CPPED1: variants seen among roughly 807,000 people sequenced by gnomAD.
The protein encoded by CPPED1 is calcineurin like phosphoesterase domain containing 1.
A neutral mutation model predicts 28.0 loss-of-function variants in CPPED1; 28 were observed. That is an observed-to-expected ratio of 1.00 (90% CI 0.74 to 1.37). CPPED1 has a LOEUF of 1.37. Ranked by LOEUF, CPPED1 falls within the 40% of genes most tolerant of loss-of-function variation. CPPED1 has a pLI of 0.00. For missense variants in CPPED1, 504 were observed against 416.5 expected (o/e 1.21, Z -1.83); for synonymous variants, 198 against 180.2 (o/e 1.10, Z -0.79).
chr16:12,695,421 T>C (rs2079984746), intron 3 of CPPED1, among the ~76,000 whole-genome samples: 2 of 138,614 alleles, frequency 1.4e-5, no homozygotes, highest in African/African-American at 6.5e-5. Flanking sequence ...CATACTATTA[T>C]GCCTGGTTAG....
chr16:12,696,125 A>G (rs185864594), intron 3 of CPPED1, among the ~76,000 whole-genome samples: 6 of 151,800 alleles, frequency 4.0e-5, no homozygotes, highest in Non-Finnish European at 2.9e-5. Flanking sequence ...AGCCAAGAGA[A>G]TTTTGTCTAG....
intron 3 of CPPED1, among the ~76,000 whole-genome samples, chr16:12,702,788 A>C (rs915015645): frequency 6.6e-6 from 1 of 151,924 alleles, no homozygotes; most frequent in African/African-American, 2.4e-5. Context: ...ACCTGACGTC[A>C]GAAGTTTCGA....
At chr16:12,741,620 C>T (rs1373420149) in intron 2 of CPPED1, among the ~76,000 whole-genome samples, 1 of 152,160 alleles carries the variant, frequency 6.6e-6, no homozygotes, top group Non-Finnish European at 1.5e-5. Flanking sequence ...CCTTTATGGA[C>T]AAATGAGACA....
At chr16:12,666,148 A>G (rs2079824737) in intron 3 of CPPED1, among the ~76,000 whole-genome samples, 1 of 151,696 alleles carries the variant, frequency 6.6e-6, no homozygotes, top group Admixed American at 6.6e-5. Flanking sequence ...TGTTTATGGC[A>G]TTCTAATTAA....
chr16:12,717,808 A>T (rs1225671018), intron 2 of CPPED1, among the ~76,000 whole-genome samples: 1 of 151,812 alleles, frequency 6.6e-6, no homozygotes, highest in East Asian at 1.9e-4. Flanking sequence ...TGCCCAGCTA[A>T]TTTTTGTACT....
intron 2 of CPPED1, among the ~76,000 whole-genome samples, chr16:12,762,431 T>G (rs750647308): frequency 2.6e-5 from 4 of 152,210 alleles, no homozygotes; most frequent in Non-Finnish European, 5.9e-5. Context: ...TAATCAACAA[T>G]CTGCTTCTAA....
chr16:12,672,611 G>A (rs2079858120), intron 3 of CPPED1, among the ~76,000 whole-genome samples: 1 of 152,178 alleles, frequency 6.6e-6, no homozygotes, highest in African/African-American at 2.4e-5. Context: ...ACCTCAGAGG[G>A]TATGTGTGCA....
At chr16:12,772,514 G>A (rs2080475720) in intron 2 of CPPED1, among the ~76,000 whole-genome samples, 1 of 152,030 alleles carries the variant, frequency 6.6e-6, no homozygotes, top group Non-Finnish European at 1.5e-5. Flanking sequence ...TATCACTTTT[G>A]TGCATGCTCC....
chr16:12,743,718 A>G (rs956213930), intron 2 of CPPED1, among the ~76,000 whole-genome samples: 2 of 152,266 alleles, frequency 1.3e-5, no homozygotes, highest in Admixed American at 1.3e-4. Flanking sequence ...TACGAAAGAC[A>G]CTCGGCTGAG....
Position 12,752,440 on chromosome 16 carries a change from C to T in CPPED1, c.289+28745G>A, listed in dbSNP as rs929770061. 5.3e-5 allele frequency among the ~76,000 whole-genome samples: 8 copies of T among 151,956 alleles called. No individual in the cohort carries two copies. In the South Asian group the frequency reaches 6.2e-4, roughly 12 times the overall value. On this transcript the variant is annotated intron_variant, in intron 2 of 3. Transcript: ENST00000381774. ...ACAGCCCTCACTTAATTCTCTCTAA[C>T]GGCCTTCTGTTCAACCACAGTTGCC...
At chr16:12,761,417 G>C (rs2080409485) in intron 2 of CPPED1, among the ~76,000 whole-genome samples, 1 of 152,170 alleles carries the variant, frequency 6.6e-6, no homozygotes, top group Non-Finnish European at 1.5e-5. Flanking sequence ...TGACCTGACA[G>C]TTTGGTCATC....
chr16:12,722,036 GA>G (rs1272891766), intron 2 of CPPED1, among the ~76,000 whole-genome samples: 1 of 152,120 alleles, frequency 6.6e-6, no homozygotes, highest in Non-Finnish European at 1.5e-5. Flanking sequence ...AAACAGACAA[GA>G]AAAGATGCTG....
chr16:12,746,669 G>GA (rs1361825813), intron 2 of CPPED1, among the ~76,000 whole-genome samples: 7 of 151,470 alleles, frequency 4.6e-5, no homozygotes, highest in South Asian at 2.1e-4. Context: ...CTTTGTAAAA[G>GA]AAAAAAAATC....
chr16:12,687,741 G>A (rs564992257), intron 3 of CPPED1, among the ~76,000 whole-genome samples: 38 of 152,096 alleles, frequency 2.5e-4, no homozygotes, highest in African/African-American at 8.9e-4. Flanking sequence ...GAGGCACCAG[G>A]TCACAATACT....
intron 3 of CPPED1, among the ~76,000 whole-genome samples, chr16:12,687,880 T>G (rs1165913264): frequency 2.0e-5 from 3 of 152,156 alleles, no homozygotes; most frequent in Non-Finnish European, 4.4e-5. Flanking sequence ...TGAGTGATTT[T>G]ATGAAGACAG....
intron 2 of CPPED1, among the ~76,000 whole-genome samples, chr16:12,767,685 G>A (rs1025280316): frequency 1.3e-5 from 2 of 152,168 alleles, no homozygotes; most frequent in African/African-American, 2.4e-5. Flanking sequence ...CTACTGGGGT[G>A]CAGTGGCTCA....
At chr16:12,720,155 A>C (rs1390902522) in intron 2 of CPPED1, among the ~76,000 whole-genome samples, 1 of 152,124 alleles carries the variant, frequency 6.6e-6, no homozygotes, top group Non-Finnish European at 1.5e-5. Context: ...CCCGAGAGAG[A>C]TACGCTCTTG....
chr16:12,699,624 G>T (rs371632072), intron 3 of CPPED1, among the ~76,000 whole-genome samples: 1 of 152,092 alleles, frequency 6.6e-6, no homozygotes, highest in African/African-American at 2.4e-5. Flanking sequence ...TTACCTCCAC[G>T]GTGGTTTGGG....
At chr16:12,752,354 A>G (rs1470063662) in intron 2 of CPPED1, among the ~76,000 whole-genome samples, 1 of 152,036 alleles carries the variant, frequency 6.6e-6, no homozygotes, top group African/African-American at 2.4e-5. Flanking sequence ...ATGCTTGATA[A>G]GAAACTCTTA....
Sources: allele counts gnomAD v4.1 joint callset (sites outside exome capture counted in the v4.1 genomes callset), GRCh38; gene constraint gnomAD v4.1.1; transcripts MANE v1.5; gene names NCBI Gene and HGNC (gene_info 2026-07-23, HGNC 2026-07-21).